Variants in ERC2 observed in about 807,000 individuals in gnomAD.
The protein encoded by ERC2 is ERC protein 2.
Under a neutral mutation model 114.8 loss-of-function variants are expected in ERC2, and 42 were observed. The observed-to-expected ratio is 0.37, with a 90% confidence interval of 0.29 to 0.47. The LOEUF (loss-of-function observed/expected upper bound fraction) is 0.47. ERC2 is among the 20% of genes least tolerant of loss of function. The pLI is 0.99. For synonymous variants in ERC2, 454 were observed against 425.5 expected (o/e 1.07, Z -0.82); for missense variants, 939 against 1,150.7 (o/e 0.82, Z 2.66).
chr3:55,791,417 T>A (rs1297955385), intron 14 of ERC2, among the ~76,000 whole-genome samples: 1 of 152,158 alleles, frequency 6.6e-6, no homozygotes, highest in Non-Finnish European at 1.5e-5. Flanking sequence ...TATATATATA[T>A]AAAACAGCAG....
chr3:55,774,416 AC>A (rs371344367), intron 14 of ERC2, among the ~76,000 whole-genome samples: 2 of 151,864 alleles, frequency 1.3e-5, no homozygotes, highest in East Asian at 1.9e-4. Context: ...GCACTCAGGG[AC>A]CCCCCGACTT....
intron 4 of ERC2, among the ~76,000 whole-genome samples, chr3:56,149,700 T>C (rs2081317816): frequency 6.6e-6 from 1 of 152,206 alleles, no homozygotes; most frequent in East Asian, 1.9e-4. Flanking sequence ...CACTAAATAT[T>C]GAAAATTTAT....
chr3:56,436,259 T>G (rs1359848076), intron 1 of ERC2, among the ~76,000 whole-genome samples: 1 of 152,224 alleles, frequency 6.6e-6, no homozygotes, highest in African/African-American at 2.4e-5. Flanking sequence ...TTTAACTTGT[T>G]ATGAGCTTCC....
At chr3:55,775,247 G>A (rs531120806) in intron 14 of ERC2, among the ~76,000 whole-genome samples, 1 of 152,202 alleles carries the variant, frequency 6.6e-6, no homozygotes, top group African/African-American at 2.4e-5. Context: ...AAGAGAGAGT[G>A]GGGGTCGGGT....
chr3:56,463,238 CAA>C (rs201895351), intron 1 of ERC2, among the ~76,000 whole-genome samples: 2 of 149,666 alleles, frequency 1.3e-5, no homozygotes, highest in African/African-American at 4.9e-5. Context: ...CAAAAGCAAA[CAA>C]AAAAAAACAA....
chr3:55,793,466 T>C (rs1419653273), intron 14 of ERC2, among the ~76,000 whole-genome samples: 1 of 152,170 alleles, frequency 6.6e-6, no homozygotes, highest in African/African-American at 2.4e-5. Flanking sequence ...AAGATACTGG[T>C]TCTGCAAAGT....
intron 12 of ERC2, among the ~76,000 whole-genome samples, chr3:55,962,192 A>T (rs2068435779): frequency 6.6e-6 from 1 of 152,236 alleles, no homozygotes; most frequent in Non-Finnish European, 1.5e-5. Flanking sequence ...TCAACAGATG[A>T]TTTTTAAAAT....
intron 17 of ERC2, among the ~76,000 whole-genome samples, chr3:55,573,497 G>T (rs1385820128): frequency 1.3e-5 from 2 of 152,180 alleles, no homozygotes; most frequent in Non-Finnish European, 2.9e-5. Context: ...GGGGTCTGCA[G>T]CAGCAGCACC....
At chr3:55,783,090 TCACC>T (rs1242424623) in intron 14 of ERC2, among the ~76,000 whole-genome samples, 1 of 152,186 alleles carries the variant, frequency 6.6e-6, no homozygotes, top group African/African-American at 2.4e-5. Flanking sequence ...GGTGTGCATT[TCACC>T]CACATCATCT....
At chr3:55,681,140 G>T (rs1005716347) in intron 17 of ERC2, among the ~76,000 whole-genome samples, 3 of 152,094 alleles carry the variant, frequency 2.0e-5, no homozygotes. Flanking sequence ...CCGTGTGCTC[G>T]GAAAATACCA....
At chr3:56,214,655 A>C (rs2049326788) in intron 3 of ERC2, among the ~76,000 whole-genome samples, 1 of 151,960 alleles carries the variant, frequency 6.6e-6, no homozygotes, top group Non-Finnish European at 1.5e-5. Context: ...CCACAAAGAT[A>C]CTCCTCGAGA....
chr3:55,629,525 A>G (rs2059659151), intron 17 of ERC2, among the ~76,000 whole-genome samples: 2 of 152,150 alleles, frequency 1.3e-5, no homozygotes, highest in South Asian at 2.1e-4. Flanking sequence ...TTACTTTTGA[A>G]TTGTATTCTA....
chr3:56,343,155 ATC>A (rs1315667106), intron 2 of ERC2, among the ~76,000 whole-genome samples: 1 of 140,964 alleles, frequency 7.1e-6, no homozygotes, highest in Non-Finnish European at 1.5e-5. Flanking sequence ...GCCTTTTAGG[ATC>A]TCTCTCTCTT....
intron 14 of ERC2, among the ~76,000 whole-genome samples, chr3:55,831,194 C>G (rs976688883): frequency 6.7e-6 from 1 of 149,976 alleles, no homozygotes; most frequent in Non-Finnish European, 1.5e-5. Context: ...ATGCTGGAGT[C>G]CTAGCTACTT....
chr3:55,963,714 C>T (rs986710681), intron 12 of ERC2, among the ~76,000 whole-genome samples: 3 of 152,198 alleles, frequency 2.0e-5, no homozygotes, highest in African/African-American at 7.2e-5. Flanking sequence ...TTAGACACAG[C>T]CACATTAGGG....
chr3:56,116,157 G>A (rs2079221262), intron 6 of ERC2, among the ~76,000 whole-genome samples: 1 of 152,122 alleles, frequency 6.6e-6, no homozygotes, highest in South Asian at 2.1e-4. Context: ...TCTTGCCAGT[G>A]GCAGTTGTCT....
chr3:55,590,982 C>T, intron 17 of ERC2, among the ~76,000 whole-genome samples: 1 of 152,150 alleles, frequency 6.6e-6, no homozygotes, highest in Non-Finnish European at 1.5e-5. Context: ...GCACCCGCCA[C>T]CACGTCCAGC....
chr3:56,061,651 T>C (rs2076250570), intron 7 of ERC2, among the ~76,000 whole-genome samples: 1 of 152,236 alleles, frequency 6.6e-6, no homozygotes, highest in South Asian at 2.1e-4. Context: ...ATGTTTGGAC[T>C]ATGAATGGAA....
At chr3:55,937,494 A>T (rs1213446227) in intron 13 of ERC2, among the ~76,000 whole-genome samples, 1 of 152,242 alleles carries the variant, frequency 6.6e-6, no homozygotes, top group Non-Finnish European at 1.5e-5. Context: ...ACTTGGTCAC[A>T]CATGGGTTCC....
Sources: allele counts gnomAD v4.1 joint callset (sites outside exome capture counted in the v4.1 genomes callset), GRCh38; gene constraint gnomAD v4.1.1; transcripts MANE v1.5; gene names NCBI Gene and HGNC (gene_info 2026-07-23, HGNC 2026-07-21).